The following LTBP1 variants were observed in gnomAD, a reference collection of about 807,000 sequenced individuals.
The protein encoded by LTBP1 is latent-transforming growth factor beta-binding protein 1.
In LTBP1, 129 loss-of-function variants were observed where a neutral mutation model predicts 207.6. That is an observed-to-expected ratio of 0.62 (90% CI 0.54 to 0.72). LTBP1 has a LOEUF of 0.72. Among genes scored for constraint, LTBP1 ranks in the 30% least tolerant of loss-of-function variants. The pLI is 0.00. For synonymous variants in LTBP1, 963 were observed against 833.7 expected (o/e 1.16, Z -2.67); for missense variants, 2,281 against 2,217.2 (o/e 1.03, Z -0.58).
At chr2:33,033,223 T>C (rs2075767073) in intron 3 of LTBP1, among the ~76,000 whole-genome samples, 1 of 152,208 alleles carries the variant, frequency 6.6e-6, no homozygotes, top group Non-Finnish European at 1.5e-5. Context: ...AAGTGGTTTT[T>C]TTTTTCATTT....
intron 15 of LTBP1, among the ~76,000 whole-genome samples, chr2:33,271,324 A>G (rs1017858996): frequency 1.3e-5 from 2 of 152,070 alleles, no homozygotes; most frequent in Non-Finnish European, 1.5e-5. Flanking sequence ...AATATGGTCA[A>G]CATGTCTTTC....
intron 32 of LTBP1, among the ~76,000 whole-genome samples, chr2:33,396,267 G>C (rs1378915700): frequency 6.6e-6 from 1 of 151,844 alleles, no homozygotes; most frequent in African/African-American, 2.4e-5. Flanking sequence ...CTGTTGCTCA[G>C]GCTGGACAGT....
At chr2:33,258,391 T>C (rs897423276) in intron 12 of LTBP1, among the ~76,000 whole-genome samples, 3 of 152,186 alleles carry the variant, frequency 2.0e-5, no homozygotes, top group African/African-American at 4.8e-5. Flanking sequence ...GTTGAGGAGA[T>C]AGAGTGCCCA....
chr2:33,273,673 G>A lies in LTBP1; in HGVS notation c.2635G>A (p.Val879Met). 6.2e-7 allele frequency: 1 copy of A among 1,607,450 alleles called. No homozygotes were observed. Among genetic ancestry groups the A allele is most frequent in the Non-Finnish European group, 8.5e-7 (1 of 1,177,186 alleles). ...TTTTAAAGAAATCAATGAATGTACT[G>A]TGAACCCTGATATCTGTGGAGCAGG... ...TQVTEINECT[V>M]NPDICGAGHC... Residue 879 changes from valine (V) to methionine (M), a missense_variant, in exon 16 of 34, where the codon GTG (valine) becomes ATG (methionine). Transcript: ENST00000404816.
At position 33,364,212 on chromosome 2, in the gene LTBP1, T is replaced by C; in HGVS notation, c.4400-4T>C. 6.2e-7 allele frequency: 1 copy of C among 1,611,966 alleles called. No homozygotes were observed. Among genetic ancestry groups the C allele is most frequent in the Non-Finnish European group, 8.5e-7 (1 of 1,179,462 alleles). On this transcript the variant is annotated splice_region_variant and splice_polypyrimidine_tract_variant and intron_variant, in intron 29 of 33. Transcript: ENST00000404816. ...CTTTAGTAATACTTTTTTTTGCTCT[T>C]AAGATATGGATGAATGTCAAGACCC...
intron 8 of LTBP1, among the ~76,000 whole-genome samples, chr2:33,219,356 G>A (rs984248432): frequency 2.6e-5 from 4 of 152,166 alleles, no homozygotes; most frequent in African/African-American, 9.7e-5. Flanking sequence ...AGATCCATTT[G>A]CTTAAAATTA....
chr2:33,315,063 A>G, intron 23 of LTBP1, 81 bp from the exon 24 acceptor site: 5 of 1,148,764 alleles, frequency 4.4e-6, no homozygotes, highest in Non-Finnish European at 6.2e-6. Flanking sequence ...GTCATAATAG[A>G]TTTATTTGCC....
intron 32 of LTBP1, among the ~76,000 whole-genome samples, chr2:33,395,077 C>T (rs1470736785): frequency 6.6e-6 from 1 of 152,104 alleles, no homozygotes; most frequent in Non-Finnish European, 1.5e-5. Context: ...AAACTTATGC[C>T]AAATCTCATT....
chr2:32,995,728 G>T (rs1365091076), intron 2 of LTBP1, among the ~76,000 whole-genome samples: 1 of 152,210 alleles, frequency 6.6e-6, no homozygotes, highest in African/African-American at 2.4e-5. Flanking sequence ...GGCCAAGCCT[G>T]CAGTGAGCCA....
intron 20 of LTBP1, among the ~76,000 whole-genome samples, chr2:33,295,589 T>C (rs1227318813): frequency 2.0e-5 from 3 of 152,194 alleles, no homozygotes; most frequent in African/African-American, 7.2e-5. Context: ...TATACATTTT[T>C]GGTGGTACAC....
In LTBP1 at chr2:33,135,814, T is replaced by C. The variant is rs146643744; in HGVS notation, c.1201+854T>C. On this transcript the variant is annotated intron_variant, in intron 5 of 33. Coordinates refer to ENST00000404816, the MANE Select transcript of LTBP1 (RefSeq NM_206943.4). ...ATGTCTTTTATTATTTTTTGACCAA[T>C]TATGGTTTGCCATGTGTACTCAAAT... Among the ~76,000 whole-genome samples the C allele has an allele frequency of 3.0e-4, 46 of 152,378 alleles. 1 individual carries two copies. In the East Asian group the frequency reaches 7.3e-3, roughly 24 times the overall value.
At chr2:32,996,821 C>T (rs550384922) in intron 2 of LTBP1, among the ~76,000 whole-genome samples, 23 of 152,236 alleles carry the variant, frequency 1.5e-4, no homozygotes, top group Admixed American at 9.8e-4. Context: ...GCCAGTCTCG[C>T]GCAGTTCCTA....
At chr2:33,143,236 T>C (rs980267285) in intron 5 of LTBP1, among the ~76,000 whole-genome samples, 1 of 152,186 alleles carries the variant, frequency 6.6e-6, no homozygotes, top group African/African-American at 2.4e-5. Flanking sequence ...CTACAGAGCC[T>C]CATTTCCCTT....
At chr2:33,365,532 G>A in intron 31 of LTBP1, 29 bp downstream of exon 31, 1 of 1,602,020 alleles carries the variant, frequency 6.2e-7, no homozygotes, top group Non-Finnish European at 8.5e-7. Flanking sequence ...CCTTCTGCAG[G>A]AGGCCTTTGG....
At chr2:33,053,175 AG>A (rs1048919456) in intron 3 of LTBP1, among the ~76,000 whole-genome samples, 1 of 152,170 alleles carries the variant, frequency 6.6e-6, no homozygotes, top group Admixed American at 6.5e-5. Context: ...CTGGCCTAAA[AG>A]ATTTCAGTTT....
intron 2 of LTBP1, among the ~76,000 whole-genome samples, chr2:32,954,322 A>G (rs1241606161): frequency 6.6e-6 from 1 of 152,228 alleles, no homozygotes; most frequent in African/African-American, 2.4e-5. Context: ...ACTTAGAACG[A>G]TAGAAATGTA....
At chr2:33,039,788 A>AT (rs1404873442) in intron 3 of LTBP1, among the ~76,000 whole-genome samples, 3 of 152,118 alleles carry the variant, frequency 2.0e-5, no homozygotes, top group Admixed American at 6.5e-5. Context: ...TTTGATAACC[A>AT]TCAGTTTATT....
intron 26 of LTBP1, among the ~76,000 whole-genome samples, chr2:33,357,174 C>A (rs1395910413): frequency 6.6e-6 from 1 of 152,066 alleles, no homozygotes; most frequent in East Asian, 1.9e-4. Flanking sequence ...TGGAAACGGC[C>A]CTACAAGCAA....
intron 5 of LTBP1, among the ~76,000 whole-genome samples, chr2:33,183,296 T>G (rs1573030438): frequency 6.6e-6 from 1 of 152,330 alleles, no homozygotes; most frequent in East Asian, 1.9e-4. Context: ...GATTATCCAC[T>G]TTTGTAAAAT....
Sources: allele counts gnomAD v4.1 joint callset (sites outside exome capture counted in the v4.1 genomes callset), GRCh38; gene constraint gnomAD v4.1.1; transcripts MANE v1.5; gene names NCBI Gene and HGNC (gene_info 2026-07-23, HGNC 2026-07-21).